The following HLCS variants were observed in gnomAD, a reference collection of about 807,000 sequenced individuals.
HLCS encodes the protein holocarboxylase synthetase.
HLCS carries 53 observed loss-of-function variants against 75.0 expected under a neutral mutation model. That is an observed-to-expected ratio of 0.71 (90% CI 0.57 to 0.89). The LOEUF (loss-of-function observed/expected upper bound fraction) is 0.89. HLCS is among the 40% of genes least tolerant of loss of function. HLCS has a pLI of 0.00. For synonymous variants in HLCS, 431 were observed against 428.6 expected (o/e 1.01, Z -0.07); for missense variants, 966 against 1,074.0 (o/e 0.90, Z 1.41).
At chr21:36,900,714 G>T (rs1272861007) in intron 5 of HLCS, among the ~76,000 whole-genome samples, 1 of 152,144 alleles carries the variant, frequency 6.6e-6, no homozygotes, top group Non-Finnish European at 1.5e-5. Context: ...ACTACTGCCT[G>T]GACCAGCATG....
chr21:36,889,688 T>C (rs1253303287), intron 6 of HLCS, among the ~76,000 whole-genome samples: 1 of 152,150 alleles, frequency 6.6e-6, no homozygotes, highest in African/African-American at 2.4e-5. Flanking sequence ...GCTGTAGCTG[T>C]GGGATGTGAG....
intron 6 of HLCS, among the ~76,000 whole-genome samples, chr21:36,799,317 C>T (rs1419499231): frequency 5.3e-5 from 8 of 152,326 alleles, no homozygotes; most frequent in African/African-American, 1.7e-4. Context: ...CAAACATCAA[C>T]TGGCCACACA....
intron 6 of HLCS, among the ~76,000 whole-genome samples, chr21:36,891,285 C>T (rs917463265): frequency 2.0e-5 from 3 of 152,168 alleles, no homozygotes; most frequent in East Asian, 3.8e-4. Flanking sequence ...ACACGTGAGC[C>T]AACGCACCAA....
chr21:36,901,369 T>C (rs115419883), intron 5 of HLCS, among the ~76,000 whole-genome samples: 2,348 of 152,170 alleles, frequency 0.015, 59 homozygotes, highest in African/African-American at 0.053. Context: ...TGTCAGACTA[T>C]GGGTGATCAT....
chr21:36,819,410 A>G (rs1196518212), intron 6 of HLCS, among the ~76,000 whole-genome samples: 1 of 152,176 alleles, frequency 6.6e-6, no homozygotes, highest in African/African-American at 2.4e-5. Context: ...TTCTGTATGA[A>G]TCGAATATTA....
chr21:36,819,661 G>A (rs763934930), intron 6 of HLCS, among the ~76,000 whole-genome samples: 2 of 152,166 alleles, frequency 1.3e-5, no homozygotes, highest in African/African-American at 4.8e-5. Context: ...TGGGCAGGTG[G>A]CATCTTTGTT....
chr21:36,907,840 T>TAGAC (rs1470981233), intron 5 of HLCS, among the ~76,000 whole-genome samples: 2 of 152,152 alleles, frequency 1.3e-5, no homozygotes, highest in Non-Finnish European at 2.9e-5. Flanking sequence ...AAGAGCTGAA[T>TAGAC]AGACACTGCC....
chr21:36,907,588 G>A (rs143199516), intron 5 of HLCS, among the ~76,000 whole-genome samples: 242 of 152,168 alleles, frequency 1.6e-3, no homozygotes, highest in African/African-American at 5.4e-3. Context: ...CCCAGGAGGC[G>A]GAGGTTGCAG....
Position 36,896,882 on chromosome 21 carries a change from TG to T in HLCS, c.1869del (p.Thr624GlnfsTer9), listed in dbSNP as rs2065031709. The part of the protein sequence containing the change: ...GKVILFAEVT[P>X]TTMRLLDGLM... ...TACCCATCCAGGAGACGCATCGTTG[TG>T]GGGGTCACTTCGGCAAACAAAATTA... is the stretch of plus-strand genomic sequence containing the variant. On this transcript the variant is annotated frameshift_variant, in exon 6 of 11. Coordinates refer to ENST00000674895, the MANE Select transcript of HLCS (RefSeq NM_001352514.2). LOFTEE classifies it high-confidence loss of function. 1.9e-6 allele frequency: 3 copies of T among 1,613,990 alleles called. No homozygotes were observed. The highest frequency in any genetic ancestry group is 2.2e-5 in the East Asian group (1 of 44,894).
At chr21:36,902,207 G>T (rs1438912750) in intron 5 of HLCS, among the ~76,000 whole-genome samples, 1 of 152,190 alleles carries the variant, frequency 6.6e-6, no homozygotes, top group African/African-American at 2.4e-5. Flanking sequence ...CTCCTTTAAA[G>T]GGTAGAGAGG....
rs756133238 is a variant in HLCS, at chr21:36,842,920, C to G, written c.1892+53940G>C. On this transcript the variant is annotated intron_variant, in intron 6 of 10. Coordinates refer to ENST00000674895, the MANE Select transcript of HLCS (RefSeq NM_001352514.2). This position sits in a 1 kb window ranked among gnomAD's most constrained non-coding sequence, Gnocchi z 4.2. Reference sequence around the variant, plus strand: ...GCCAGGGAGCAACATCCTCTCTCACCAATGATCTCTTTACATTTCTAAGCC... The same window carrying G: ...GCCAGGGAGCAACATCCTCTCTCACGAATGATCTCTTTACATTTCTAAGCC... Among the ~76,000 whole-genome samples the G allele has an allele frequency of 3.5e-4, 53 of 152,318 alleles. No homozygotes were observed. The highest frequency in any genetic ancestry group is 8.3e-4 in the South Asian group (4 of 4,826).
intron 6 of HLCS, among the ~76,000 whole-genome samples, chr21:36,847,192 C>A (rs571199873): frequency 6.6e-6 from 1 of 152,146 alleles, no homozygotes; most frequent in African/African-American, 2.4e-5. Flanking sequence ...ATGGGCAAGA[C>A]GACCTGGCGT....
Position 36,842,650 on chromosome 21 carries a change from C to T in HLCS, c.1892+54210G>A, listed in dbSNP as rs958565561. Among the ~76,000 whole-genome samples the T allele has an allele frequency of 1.3e-5, 2 of 151,842 alleles. No homozygotes were observed. The highest frequency in any genetic ancestry group is 1.5e-5 in the Non-Finnish European group (1 of 67,938). The stretch of plus-strand genomic sequence containing the variant: ...GCCAGCTACTTGGGAGGCTGAGGCA[C>T]GAGAATTGCTTGAACCCGGGAGGTG... On this transcript the variant is annotated intron_variant, in intron 6 of 10. Transcript: ENST00000674895. The surrounding 1 kb of genome is among the most constrained non-coding windows in gnomAD (Gnocchi z 4.2).
chr21:36,955,137 G>A (rs2067871652), intron 2 of HLCS, among the ~76,000 whole-genome samples: 1 of 152,182 alleles, frequency 6.6e-6, no homozygotes, highest in Non-Finnish European at 1.5e-5. Context: ...GGAAGGCATT[G>A]TTATCACAGG....
At chr21:36,900,270 AC>A (rs773536747) in intron 5 of HLCS, among the ~76,000 whole-genome samples, 9 of 152,224 alleles carry the variant, frequency 5.9e-5, no homozygotes, top group Non-Finnish European at 8.8e-5. Flanking sequence ...TAAGAAGGCA[AC>A]GCTTAAGGAA....
intron 6 of HLCS, among the ~76,000 whole-genome samples, chr21:36,858,721 C>T (rs2063284484): frequency 6.6e-6 from 1 of 152,166 alleles, no homozygotes; most frequent in Non-Finnish European, 1.5e-5. Context: ...GGAGGGAGCC[C>T]GCCCTGCCAT....
At chr21:36,820,956 C>T (rs1468048651) in intron 6 of HLCS, among the ~76,000 whole-genome samples, 4 of 152,122 alleles carry the variant, frequency 2.6e-5, no homozygotes, top group South Asian at 2.1e-4. Flanking sequence ...GACTGGGAGG[C>T]GACTTCATGG....
chr21:36,861,426 G>A lies in HLCS; in HGVS notation c.1892+35434C>T, dbSNP rs374163230. 5.3e-5 allele frequency among the ~76,000 whole-genome samples: 8 copies of A among 152,306 alleles called. No homozygotes were observed. The East Asian group carries it at 1.5e-3, about 29-fold the overall frequency. ...TTTTCTTTTAGGTTCAGGGGTACAT[G>A]TGCAGGTTTGTTTAATATAGGCAAA... On this transcript the variant is annotated intron_variant, in intron 6 of 10. Transcript: ENST00000674895.
intron 2 of HLCS, among the ~76,000 whole-genome samples, chr21:36,958,992 G>A (rs2068126019): frequency 6.6e-6 from 1 of 152,188 alleles, no homozygotes; most frequent in Admixed American, 6.5e-5. Flanking sequence ...AGGGATACGC[G>A]CTCTGTGGAA....
Sources: allele counts gnomAD v4.1 joint callset (sites outside exome capture counted in the v4.1 genomes callset), GRCh38; gene constraint gnomAD v4.1.1; non-coding constraint Gnocchi (gnomAD v3.1); transcripts MANE v1.5; gene names NCBI Gene and HGNC (gene_info 2026-07-23, HGNC 2026-07-21).